The following KMT2C variants were observed in gnomAD, a reference collection of about 807,000 sequenced individuals.
KMT2C encodes the protein histone-lysine N-methyltransferase 2C.
In KMT2C, 88 loss-of-function variants were observed where a neutral mutation model predicts 507.9. The ratio of observed to expected loss-of-function variants is 0.17; its 90% CI spans 0.15 to 0.21. The LOEUF (loss-of-function observed/expected upper bound fraction) is 0.21, where lower values mean the gene tolerates loss of function less well. Ranked by LOEUF, KMT2C falls within the 10% of genes least tolerant of loss-of-function variation. The pLI is 1.00. For missense variants in KMT2C, 4,954 were observed against 5,957.8 expected, an observed-to-expected ratio of 0.83 and a Z score of 5.55; for synonymous variants, 2,049 against 2,080.8, an observed-to-expected ratio of 0.98 and a Z score of 0.42.
chr7:152,274,039 T>C (rs895266118), intron 6 of KMT2C, among the ~76,000 whole-genome samples, 172 bp from the exon 7 acceptor site: 1 of 152,188 alleles, frequency 6.6e-6, no homozygotes, highest in Admixed American at 6.5e-5. Flanking sequence ...TTACTCAATT[T>C]AGCGCTTCGT....
At chr7:152,376,862 G>A (rs1410585992) in intron 1 of KMT2C, among the ~76,000 whole-genome samples, 11 of 152,276 alleles carry the variant, frequency 7.2e-5, no homozygotes, top group African/African-American at 2.7e-4. Context: ...ATGCCATCTA[G>A]GACTTTCACA....
At chr7:152,153,897 T>TGGTC (rs1263655710) in intron 48 of KMT2C, 113 bp downstream of exon 48, 1 of 1,082,476 alleles carries the variant, frequency 9.2e-7, no homozygotes, top group East Asian at 2.4e-5. Flanking sequence ...CTCTGCTCTC[T>TGGTC]GACCCTTTAT....
At chr7:152,386,841 T>C (rs1434942485) in intron 1 of KMT2C, among the ~76,000 whole-genome samples, 2 of 152,148 alleles carry the variant, frequency 1.3e-5, no homozygotes, top group East Asian at 1.9e-4. Flanking sequence ...AATTACTCAA[T>C]GGTAGATCCA....
chr7:152,158,120 T>C (rs1338312379), intron 44 of KMT2C, among the ~76,000 whole-genome samples: 2 of 152,220 alleles, frequency 1.3e-5, no homozygotes, highest in African/African-American at 2.4e-5. Flanking sequence ...CTGTACTAAA[T>C]GAATGCTGCC....
rs36061637 is a variant in KMT2C at position 152,194,847 on chromosome 7, C to CA, written c.4379-280dup. 2.7e-3 allele frequency among the ~76,000 whole-genome samples: 234 copies of CA among 86,872 alleles called. 1 individual carries two copies. The highest frequency in any genetic ancestry group is 0.018 in the Middle Eastern group (2 of 112). The allele number at this position is 86,872 out of a possible 152,430, so 57.0% of individuals were successfully genotyped here. A position where few individuals can be genotyped will look rare whatever the true frequency, so the allele number is the denominator to read the frequency against. ...CTGATTTTAACTTGCCAACTCCTGC[C>CA]AAAAAAAAAAAAAAGCTTAAGATAG... On this transcript the variant is annotated intron_variant, in intron 28 of 58. Coordinates refer to ENST00000262189, the MANE Select transcript of KMT2C (RefSeq NM_170606.3).
At chr7:152,230,097 A>G in intron 17 of KMT2C, 70 bp from the exon 18 acceptor site, 1 of 860,582 alleles carries the variant, frequency 1.2e-6, no homozygotes, top group Non-Finnish European at 1.9e-6. Context: ...TTACTTTAAA[A>G]ATACCTTCTT....
intron 38 of KMT2C, among the ~76,000 whole-genome samples, chr7:152,175,634 T>A (rs1334825276): frequency 6.6e-6 from 1 of 152,136 alleles, no homozygotes; most frequent in Non-Finnish European, 1.5e-5. Flanking sequence ...ATGTCCTGTG[T>A]TGCCCAGGTT....
chr7:152,260,031 T>C (rs533258389), intron 9 of KMT2C, among the ~76,000 whole-genome samples: 1 of 152,326 alleles, frequency 6.6e-6, no homozygotes, highest in Non-Finnish European at 1.5e-5. Context: ...GCTGGGCACT[T>C]TATAGATACC....
chr7:152,151,405 G>A, intron 50 of KMT2C, 37 bp downstream of exon 50: 2 of 1,609,214 alleles, frequency 1.2e-6, no homozygotes, highest in Non-Finnish European at 1.7e-6. Context: ...TTTCGCTGGA[G>A]GTAGGAGGTG....
chr7:152,392,646 T>C (rs971090797), intron 1 of KMT2C, among the ~76,000 whole-genome samples: 1 of 152,176 alleles, frequency 6.6e-6, no homozygotes, highest in African/African-American at 2.4e-5. Context: ...TTCATTGTAT[T>C]TTGTGTGAAT....
intron 41 of KMT2C, 140 bp from the exon 42 acceptor site, chr7:152,167,518 C>G: frequency 5.0e-6 from 3 of 598,534 alleles, no homozygotes; most frequent in Non-Finnish European, 8.8e-6. Context: ...AAATATTAGA[C>G]GATTATGTAA....
chr7:152,295,636 T>C (rs1290045517), intron 6 of KMT2C, among the ~76,000 whole-genome samples: 1 of 152,196 alleles, frequency 6.6e-6, no homozygotes, highest in Non-Finnish European at 1.5e-5. Flanking sequence ...CCTTTTTCCT[T>C]CCTACAGATT....
intron 2 of KMT2C, among the ~76,000 whole-genome samples, chr7:152,333,591 C>A (rs2096904279): frequency 6.6e-6 from 1 of 152,170 alleles, no homozygotes; most frequent in Non-Finnish European, 1.5e-5. Flanking sequence ...AAATTTCACA[C>A]AAAACTTTAT....
rs749998145 is a variant in KMT2C at position 152,181,152 on chromosome 7, G to C, written c.6708C>G (p.Ser2236=). ...RPRISEGFTR[S]SMTRPVLMPN... The stretch of plus-strand genomic sequence containing the variant: ...GCATGAGGACTGGTCTTGTCATTGA[G>C]GACCTAGTAAAACCCTCTGAAATCC... Residue 2236 remains serine (S), a synonymous_variant, in exon 36 of 59, where the codon TCC becomes TCG. Transcript: ENST00000262189. The C allele has an allele frequency of 6.2e-7, 1 of 1,614,138 alleles. No individual in the cohort carries two copies.
chr7:152,407,033 G>C (rs908713391), intron 1 of KMT2C, among the ~76,000 whole-genome samples: 1 of 152,422 alleles, frequency 6.6e-6, no homozygotes, highest in East Asian at 1.9e-4. Context: ...ATCATACTAT[G>C]ATTTACTTCT....
intron 23 of KMT2C, among the ~76,000 whole-genome samples, chr7:152,214,611 A>C (rs565785691): frequency 1.3e-5 from 2 of 152,226 alleles, no homozygotes; most frequent in Non-Finnish European, 2.9e-5. Context: ...TATACAATGG[A>C]ATAGTTAGCT....
In KMT2C at chr7:152,283,610, A is replaced by T. The variant is rs1041849730; in HGVS notation, c.850-9743T>A. Among the ~76,000 whole-genome samples the T allele has an allele frequency of 2.0e-4, 31 of 152,208 alleles. 1 individual carries two copies. The highest frequency in any genetic ancestry group is 4.4e-5 in the Non-Finnish European group (3 of 67,986). ...AAAACGAGTTTCTCCAAACAGATGT[A>T]TGTAAAAATCTAGTACATATACCCC... On this transcript the variant is annotated intron_variant, in intron 6 of 58. Coordinates refer to ENST00000262189, the MANE Select transcript of KMT2C (RefSeq NM_170606.3).
At chr7:152,433,835 G>A (rs1356800099) in intron 1 of KMT2C, among the ~76,000 whole-genome samples, 3 of 152,284 alleles carry the variant, frequency 2.0e-5, no homozygotes, top group East Asian at 1.9e-4. Flanking sequence ...AGTAGGGTGT[G>A]TGCGAGTGTG....
chr7:152,215,688 T>TATATATATACACACAC (rs766518165), intron 23 of KMT2C, among the ~76,000 whole-genome samples: 2 of 134,494 alleles, frequency 1.5e-5, no homozygotes, highest in East Asian at 4.9e-4. Flanking sequence ...TATATATATA[T>TATATATATACACACAC]ACACACACAC....
Sources: gnomAD v4.1 joint callset for allele counts (sites outside exome capture counted in the v4.1 genomes callset) on GRCh38, gnomAD v4.1.1 for gene constraint, MANE v1.5 for transcripts, NCBI Gene and HGNC (gene_info 2026-07-23, HGNC 2026-07-21) for gene names.